PTPRT: variants seen among roughly 807,000 people sequenced by gnomAD.
The protein encoded by PTPRT is receptor-type tyrosine-protein phosphatase T.
PTPRT carries 56 observed loss-of-function variants against 176.8 expected under a neutral mutation model. The ratio of observed to expected loss-of-function variants is 0.32; its 90% CI spans 0.26 to 0.40. The LOEUF (loss-of-function observed/expected upper bound fraction) is 0.40, where lower values mean the gene tolerates loss of function less well. PTPRT is among the 10% of genes least tolerant of loss of function. The pLI, the probability that PTPRT is intolerant of heterozygous loss-of-function variation, is 1.00. For missense variants in PTPRT, 1,540 were observed against 1,908.2 expected (o/e 0.81, Z 3.60); for synonymous variants, 783 against 739.0 (o/e 1.06, Z -0.96).
chr20:42,151,319 CCT>C (rs1265754019), intron 17 of PTPRT, among the ~76,000 whole-genome samples: 5 of 152,062 alleles, frequency 3.3e-5, no homozygotes, highest in African/African-American at 1.2e-4. Flanking sequence ...ACCCCCACCC[CCT>C]GACAGGCCCT....
intron 7 of PTPRT, among the ~76,000 whole-genome samples, chr20:42,664,029 A>C (rs1260743015): frequency 6.6e-6 from 1 of 152,260 alleles, no homozygotes; most frequent in Non-Finnish European, 1.5e-5. Context: ...ACTTACCTGC[A>C]GAAATGCCTG....
At chr20:42,419,786 C>A (rs569670406) in intron 9 of PTPRT, among the ~76,000 whole-genome samples, 1 of 152,102 alleles carries the variant, frequency 6.6e-6, no homozygotes, top group African/African-American at 2.4e-5. Flanking sequence ...GTTTTTGCAT[C>A]TATAATCAAG....
intron 1 of PTPRT, among the ~76,000 whole-genome samples, chr20:43,132,635 T>G (rs2013678600): frequency 6.6e-6 from 1 of 152,174 alleles, no homozygotes; most frequent in African/African-American, 2.4e-5. Context: ...AATATGATTA[T>G]TTTAAGGATT....
At chr20:43,058,286 T>A (rs902616724) in intron 1 of PTPRT, among the ~76,000 whole-genome samples, 4 of 147,588 alleles carry the variant, frequency 2.7e-5, no homozygotes, top group Non-Finnish European at 6.0e-5. Flanking sequence ...ATGAGGAAAG[T>A]AGTGAGAGAG....
chr20:42,295,009 T>G (rs1426212692), intron 12 of PTPRT, among the ~76,000 whole-genome samples: 1 of 151,966 alleles, frequency 6.6e-6, no homozygotes, highest in Non-Finnish European at 1.5e-5. Flanking sequence ...ATCCAACATA[T>G]ATATAGTGAA....
intron 11 of PTPRT, among the ~76,000 whole-genome samples, chr20:42,346,252 G>T (rs919403563): frequency 6.6e-6 from 1 of 152,114 alleles, no homozygotes; most frequent in Admixed American, 6.5e-5. Context: ...ATCAGGGGAC[G>T]GTCTGTTATA....
intron 13 of PTPRT, chr20:42,270,367 C>CG: frequency 2.2e-6 from 3 of 1,382,070 alleles, no homozygotes; most frequent in Non-Finnish European, 3.0e-6. Flanking sequence ...CAACTCTCCC[C>CG]TCCCACCCGC....
intron 1 of PTPRT, among the ~76,000 whole-genome samples, chr20:42,948,440 A>C (rs1418161162): frequency 6.6e-6 from 1 of 152,200 alleles, no homozygotes; most frequent in Non-Finnish European, 1.5e-5. Flanking sequence ...CCCTGGCCTG[A>C]GTGAACAGCT....
At chr20:42,194,628 G>A (rs1991129047) in intron 16 of PTPRT, among the ~76,000 whole-genome samples, 1 of 152,190 alleles carries the variant, frequency 6.6e-6, no homozygotes, top group African/African-American at 2.4e-5. Context: ...ATCCCAGTGA[G>A]CAAAAGATCG....
intron 7 of PTPRT, among the ~76,000 whole-genome samples, chr20:42,612,977 G>A (rs938520480): frequency 6.6e-6 from 1 of 152,112 alleles, no homozygotes; most frequent in Non-Finnish European, 1.5e-5. Flanking sequence ...TTTATGCATA[G>A]GGGGAAAAAA....
chr20:42,387,506 T>C (rs2058755784), intron 9 of PTPRT, among the ~76,000 whole-genome samples: 1 of 152,184 alleles, frequency 6.6e-6, no homozygotes, highest in Admixed American at 6.5e-5. Flanking sequence ...CCATGGTCTT[T>C]TTGTTGTTGT....
intron 20 of PTPRT, 66 bp from the exon 21 acceptor site, chr20:42,118,566 C>A: frequency 1.7e-5 from 25 of 1,433,692 alleles, no homozygotes; most frequent in Non-Finnish European, 2.4e-5. Flanking sequence ...GAAGGTTTGT[C>A]CCCCCGGTTG....
At chr20:42,761,454 A>G (rs2076915228) in intron 5 of PTPRT, among the ~76,000 whole-genome samples, 1 of 151,622 alleles carries the variant, frequency 6.6e-6, no homozygotes, top group Admixed American at 6.6e-5. Flanking sequence ...AAAATAAAAC[A>G]AATAAAAAAG....
intron 1 of PTPRT, among the ~76,000 whole-genome samples, chr20:43,052,215 T>C (rs764368785): frequency 2.6e-5 from 4 of 152,214 alleles, no homozygotes; most frequent in Admixed American, 6.5e-5. Context: ...AGTGGTAGAC[T>C]TGGCAGGAAA....
intron 16 of PTPRT, among the ~76,000 whole-genome samples, chr20:42,186,476 C>T (rs1990788726): frequency 6.6e-6 from 1 of 151,396 alleles, no homozygotes; most frequent in African/African-American, 2.4e-5. Context: ...AGTCAAAGGT[C>T]CTGTGGTAGA....
intron 18 of PTPRT, among the ~76,000 whole-genome samples, chr20:42,131,309 A>C (rs1284141878): frequency 6.6e-6 from 1 of 152,210 alleles, no homozygotes; most frequent in Non-Finnish European, 1.5e-5. Flanking sequence ...CAGCAGTTCC[A>C]GAAGCTGTAG....
chr20:42,421,734 C>T (rs141352878), intron 9 of PTPRT, among the ~76,000 whole-genome samples: 230 of 152,064 alleles, frequency 1.5e-3, no homozygotes, highest in African/African-American at 5.0e-3. Flanking sequence ...CACTAAAAAC[C>T]CTGAATAGCC....
intron 17 of PTPRT, among the ~76,000 whole-genome samples, chr20:42,157,555 A>G (rs1989412656): frequency 6.6e-6 from 1 of 152,076 alleles, no homozygotes; most frequent in Non-Finnish European, 1.5e-5. Context: ...CATGTCGGCC[A>G]GGCTGGTCTT....
At chr20:42,604,247 CAG>C (rs1362768349) in intron 7 of PTPRT, among the ~76,000 whole-genome samples, 2 of 152,162 alleles carry the variant, frequency 1.3e-5, no homozygotes, top group Admixed American at 1.3e-4. Context: ...GTTTTTTCAA[CAG>C]AGTCATCTGG....
Sources: gnomAD v4.1 joint callset for allele counts (sites outside exome capture counted in the v4.1 genomes callset) on GRCh38, gnomAD v4.1.1 for gene constraint, MANE v1.5 for transcripts, NCBI Gene and HGNC (gene_info 2026-07-23, HGNC 2026-07-21) for gene names.